The following WNT7A variants were observed in gnomAD, a reference collection of about 807,000 sequenced individuals.
WNT7A encodes the protein protein Wnt-7a.
Under a neutral mutation model 28.2 loss-of-function variants are expected in WNT7A, and 16 were observed. The observed-to-expected ratio is 0.57, with a 90% CI of 0.38 to 0.86. The LOEUF is 0.86. Among genes scored for constraint, WNT7A ranks in the 40% least tolerant of loss-of-function variants. The pLI is 0.00. For synonymous variants in WNT7A, 190 were observed against 195.9 expected, an observed-to-expected ratio of 0.97 and a Z score of 0.25; for missense variants, 411 against 489.7, an observed-to-expected ratio of 0.84 and a Z score of 1.52.
Position 13,861,468 on chromosome 3 carries a change from C to T in WNT7A, c.299-6665G>A, listed in dbSNP as rs76374886. 3.6e-3 allele frequency among the ~76,000 whole-genome samples: 555 copies of T among 152,340 alleles called. 4 individuals carry two copies. Among genetic ancestry groups the T allele is most frequent in the African/African-American group, 0.013 (529 of 41,570 alleles). Reference sequence around the variant, plus strand: ...AGGAGTTCAGACATGGCTTTGCCTTCGTAGAAGGACAGGCAGTAGGATCAT... The same window carrying T: ...AGGAGTTCAGACATGGCTTTGCCTTTGTAGAAGGACAGGCAGTAGGATCAT... On this transcript the variant is annotated intron_variant, in intron 2 of 3. Transcript: ENST00000285018.
chr3:13,854,625 G>A lies in WNT7A; in HGVS notation c.477C>T (p.Gly159=). 6.2e-7 allele frequency: 1 copy of A among 1,614,200 alleles called. No homozygotes were observed. Among genetic ancestry groups the A allele is most frequent in the Non-Finnish European group, 8.5e-7 (1 of 1,180,046 alleles). The change falls in exon 3 of 4, where the codon GGC becomes GGT. Residue 159 remains glycine, a synonymous_variant. Transcript: ENST00000285018. ...WGGCSADIRY[G]IGFAKVFVDA... ...CCACAAAGACCTTGGCGAAGCCGAT[G>A]CCGTAGCGGATGTCGGCAGAGCAGC...
chr3:13,878,813 A>G (rs1559310592), intron 1 of WNT7A, among the ~76,000 whole-genome samples: 1 of 151,778 alleles, frequency 6.6e-6, no homozygotes, highest in East Asian at 1.9e-4. Flanking sequence ...CCATGCCCAG[A>G]TCCCCCCGCC....
intron 2 of WNT7A, among the ~76,000 whole-genome samples, chr3:13,866,088 C>T (rs1363500012): frequency 6.6e-6 from 1 of 152,194 alleles, no homozygotes; most frequent in Non-Finnish European, 1.5e-5. Context: ...TCAGCTGCAT[C>T]TCCCAAGTAC....
intron 3 of WNT7A, among the ~76,000 whole-genome samples, chr3:13,826,732 G>A (rs1415524780): frequency 6.6e-6 from 1 of 152,034 alleles, no homozygotes; most frequent in African/African-American, 2.4e-5. Flanking sequence ...GCCAGAAGAG[G>A]GCTAAACATC....
intron 2 of WNT7A, among the ~76,000 whole-genome samples, chr3:13,865,569 T>G (rs6442415): frequency 0.78 from 118,446 of 152,162 alleles, 46,587 homozygotes; most frequent in East Asian, 1. Context: ...GTGCAGTTTT[T>G]TATTTGGGGT....
rs1694002291 is a variant in WNT7A at position 13,816,303 on chromosome 3, G to T, written c.*2641C>A. 1.3e-5 allele frequency: 2 copies of T among 152,154 alleles called. No individual in the cohort carries two copies. Among genetic ancestry groups the T allele is most frequent in the African/African-American group, 4.8e-5 (2 of 41,424 alleles). 9.4% of individuals were successfully genotyped at this position (152,154 alleles called of 1,614,324 possible). A position where few individuals can be genotyped will look rare whatever the true frequency, so the allele number is the denominator to read the frequency against. ...TCAAAGTGCCATACAGTCATTACTG[G>T]GAGGATCCTCACAACAGCCCTGTGA... On this transcript the variant is annotated 3_prime_UTR_variant, in exon 4 of 4. Transcript: ENST00000285018.
In WNT7A at chr3:13,856,957, A is replaced by G. The variant is rs148301487; in HGVS notation, c.299-2154T>C. Among the ~76,000 whole-genome samples the G allele has an allele frequency of 4.0e-3, 426 of 105,606 alleles. 8 individuals are homozygous for G. Among genetic ancestry groups the G allele is most frequent in the African/African-American group, 0.013 (296 of 23,526 alleles). 69.3% of individuals were successfully genotyped at this position (105,606 alleles called of 152,430 possible). Reference sequence around the variant, plus strand: ...GAAGAAGAAGAAGAAGAAGAAGAAGAAGAAGAAGAAGGAGAAGAAGAAGAA... The same window carrying G: ...GAAGAAGAAGAAGAAGAAGAAGAAGGAGAAGAAGAAGGAGAAGAAGAAGAA... On this transcript the variant is annotated intron_variant, in intron 2 of 3. Coordinates refer to ENST00000285018, the MANE Select transcript of WNT7A (RefSeq NM_004625.4).
At chr3:13,832,264 C>CCTCCTG (rs1290988137) in intron 3 of WNT7A, among the ~76,000 whole-genome samples, 20 of 149,694 alleles carry the variant, frequency 1.3e-4, no homozygotes, top group Admixed American at 1.3e-3. Flanking sequence ...TTGCTCCCAT[C>CCTCCTG]CTCCTGCTCC....
rs1694011649 is a variant in WNT7A, at chr3:13,816,799, A to G, written c.*2145T>C. The G allele has an allele frequency of 6.6e-6, 1 of 151,792 alleles. No homozygotes were observed. The highest frequency in any genetic ancestry group is 1.5e-5 in the Non-Finnish European group (1 of 67,922). 9.4% of individuals were successfully genotyped at this position (151,792 alleles called of 1,614,324 possible). On this transcript the variant is annotated 3_prime_UTR_variant, in exon 4 of 4. Transcript: ENST00000285018. ...CATCCATCCATCTACCCATCCATCC[A>G]TTTATCCATTCACCCACCCACCTAC...
At chr3:13,879,146 C>T (rs1281835029) in intron 1 of WNT7A, among the ~76,000 whole-genome samples, 2 of 152,210 alleles carry the variant, frequency 1.3e-5, no homozygotes, top group African/African-American at 4.8e-5. Context: ...CGGGAAGGGG[C>T]TCTGGGAGTC....
At chr3:13,850,342 C>T (rs567709154) in intron 3 of WNT7A, among the ~76,000 whole-genome samples, 4 of 152,332 alleles carry the variant, frequency 2.6e-5, no homozygotes, top group South Asian at 4.1e-4. Context: ...ATCTGGGCTC[C>T]GCCCCAGCTG....
chr3:13,829,388 T>C (rs531083906), intron 3 of WNT7A, among the ~76,000 whole-genome samples: 1 of 152,334 alleles, frequency 6.6e-6, no homozygotes, highest in South Asian at 2.1e-4. Context: ...GGACAAGTCC[T>C]CTCAAAGGGA....
chr3:13,877,956 C>G (rs1695134464), intron 1 of WNT7A, among the ~76,000 whole-genome samples: 1 of 152,210 alleles, frequency 6.6e-6, no homozygotes, highest in Non-Finnish European at 1.5e-5. Flanking sequence ...CTTTTAGGGA[C>G]GTTGAGACTT....
intron 2 of WNT7A, among the ~76,000 whole-genome samples, chr3:13,858,569 A>AC (rs1013023080): frequency 3.9e-4 from 59 of 150,854 alleles, no homozygotes; most frequent in African/African-American, 9.8e-4. Context: ...GGCACATTTC[A>AC]CCCCCCCGAG....
chr3:13,867,520 T>G (rs964927326), intron 2 of WNT7A, among the ~76,000 whole-genome samples: 3 of 152,198 alleles, frequency 2.0e-5, no homozygotes, highest in Non-Finnish European at 4.4e-5. Context: ...ACACACTTTC[T>G]TTCAAGGGTG....
chr3:13,858,606 C>G (rs1694784365), intron 2 of WNT7A, among the ~76,000 whole-genome samples: 1 of 152,184 alleles, frequency 6.6e-6, no homozygotes, highest in African/African-American at 2.4e-5. Flanking sequence ...TTCTTCCCCA[C>G]AGCCCAGAGT....
chr3:13,833,616 C>T (rs1252480609), intron 3 of WNT7A, among the ~76,000 whole-genome samples: 1 of 152,246 alleles, frequency 6.6e-6, no homozygotes, highest in Non-Finnish European at 1.5e-5. Flanking sequence ...GACCTCCCTG[C>T]AGGCTGCTAG....
Position 13,854,537 on chromosome 3 carries a change from G to A in WNT7A, c.565C>T (p.Arg189Ter), listed in dbSNP as rs267599620. The change falls in exon 3 of 4, where the codon CGA (arginine) becomes TGA (stop). Residue 189 changes from arginine (R) to a stop codon, truncating the protein, a stop_gained. Coordinates refer to ENST00000285018, the MANE Select transcript of WNT7A (RefSeq NM_004625.4). LOFTEE classifies it low-confidence loss of function (END_TRUNC). The part of the protein sequence containing the change: ...LMNLHNNEAG[R>*]KILEENMKLE... ...TGCCCTCCCTGGCTTCCTACCTTTC[G>A]GCCTGCCTCGTTGTTGTGCAAGTTC... The A allele has an allele frequency of 1.9e-6, 3 of 1,614,064 alleles. No individual in the cohort carries two copies. Among genetic ancestry groups the A allele is most frequent in the South Asian group, 2.2e-5 (2 of 91,082 alleles).
chr3:13,821,918 T>G (rs1694116673), intron 3 of WNT7A, among the ~76,000 whole-genome samples: 1 of 152,232 alleles, frequency 6.6e-6, no homozygotes, highest in Non-Finnish European at 1.5e-5. Context: ...CTTTGTGTAC[T>G]TTTTTCACAT....
Sources: allele counts gnomAD v4.1 joint callset (sites outside exome capture counted in the v4.1 genomes callset), GRCh38; gene constraint gnomAD v4.1.1; transcripts MANE v1.5; gene names NCBI Gene and HGNC (gene_info 2026-07-23, HGNC 2026-07-21).